ENPP3: variants seen among roughly 807,000 people sequenced by gnomAD.
ENPP3 encodes ectonucleotide pyrophosphatase/phosphodiesterase family member 3.
In ENPP3, 104 loss-of-function variants were observed where a neutral mutation model predicts 117.8. The observed-to-expected ratio is 0.88, with a 90% CI of 0.75 to 1.04. ENPP3 has a LOEUF of 1.04. Ranked by LOEUF, ENPP3 falls within the 50% of genes least tolerant of loss-of-function variation. The pLI is 0.00. For missense variants in ENPP3, 1,026 were observed against 1,051.9 expected (o/e 0.98, Z 0.34); for synonymous variants, 380 against 349.9 (o/e 1.09, Z -0.96).
intron 15 of ENPP3, chr6:131,701,018 G>A: frequency 1.8e-6 from 1 of 547,404 alleles, no homozygotes; most frequent in Non-Finnish European, 3.0e-6. Flanking sequence ...AATATCGGAG[G>A]GGGTGGCAGA....
chr6:131,658,383 C>T lies in ENPP3; in HGVS notation c.525C>T (p.Tyr175=). The T allele has an allele frequency of 1.9e-6, 3 of 1,602,168 alleles. No individual in the cohort carries two copies. Among genetic ancestry groups the T allele is most frequent in the Non-Finnish European group, 2.6e-6 (3 of 1,169,354 alleles). ...SMDGFRAEYL[Y]TWDTLMPNIN... is the part of the protein sequence containing the mutation. ...ATGGATTTAGAGCTGAATATTTATACACATGGGATACTTTAATGCCAAATA... is the reference window on the plus strand; with the variant it reads ...ATGGATTTAGAGCTGAATATTTATATACATGGGATACTTTAATGCCAAATA... Residue 175 remains tyrosine (Y), a synonymous_variant, in exon 6 of 25, where the codon TAC becomes TAT. Coordinates refer to ENST00000357639, the MANE Select transcript of ENPP3 (RefSeq NM_005021.5).
At position 131,722,421 on chromosome 6, in the gene ENPP3, A is replaced by G; in HGVS notation, c.1746+16A>G. On this transcript the variant is annotated intron_variant, in intron 18 of 24. Transcript: ENST00000357639. ...CCTACAAAATGTAAGTAACAACTTCATGCATCCATAAGAACGTAAAGGGGC... is the reference window on the plus strand; with the variant it reads ...CCTACAAAATGTAAGTAACAACTTCGTGCATCCATAAGAACGTAAAGGGGC... 1 of 1,609,158 alleles carries G rather than the reference A, an allele frequency of 6.2e-7. No homozygotes were observed. Among genetic ancestry groups the G allele is most frequent in the Non-Finnish European group, 8.5e-7 (1 of 1,176,808 alleles).
In ENPP3 at chr6:131,740,356, A is replaced by G; in HGVS notation, c.2433A>G (p.Arg811=). Residue 811 remains arginine, a synonymous_variant, in exon 24 of 25, where the codon CGA becomes CGG. Coordinates refer to ENST00000357639, the MANE Select transcript of ENPP3 (RefSeq NM_005021.5). ...TCCTACCCTTTATCATCCCTCACCGACCTACCAACGTGGAGAGCTGTCCTG... is the reference window on the plus strand; with the variant it reads ...TCCTACCCTTTATCATCCCTCACCGGCCTACCAACGTGGAGAGCTGTCCTG... ...LDVLPFIIPH[R]PTNVESCPEG... is the part of the protein sequence containing the mutation. 6.2e-7 allele frequency: 1 copy of G among 1,610,638 alleles called. No individual in the cohort carries two copies. The highest frequency in any genetic ancestry group is 8.5e-7 in the Non-Finnish European group (1 of 1,178,388).
chr6:131,745,622 A>C (rs540289954), intron 24 of ENPP3, among the ~76,000 whole-genome samples: 160 of 150,470 alleles, frequency 1.1e-3, no homozygotes, highest in African/African-American at 3.8e-3. Flanking sequence ...AATCCAAAAT[A>C]AAAAGGTCAA....
At chr6:131,674,140 T>C in intron 7 of ENPP3, 22 bp from the exon 8 acceptor site, 1 of 1,427,128 alleles carries the variant, frequency 7.0e-7, no homozygotes, top group Non-Finnish European at 9.8e-7. Flanking sequence ...ATCTTACATC[T>C]TTTTTGAAAT....
At chr6:131,673,823 A>G (rs1303598133) in intron 7 of ENPP3, among the ~76,000 whole-genome samples, 1 of 152,172 alleles carries the variant, frequency 6.6e-6, no homozygotes, top group Non-Finnish European at 1.5e-5. Flanking sequence ...ACAATGATTG[A>G]CATAGCATGT....
intron 6 of ENPP3, among the ~76,000 whole-genome samples, chr6:131,668,950 GTCTA>G (rs1669973969): frequency 6.6e-6 from 1 of 152,310 alleles, no homozygotes; most frequent in South Asian, 2.1e-4. Context: ...GGTAGCTTGG[GTCTA>G]TAGTCAGCAG....
chr6:131,742,293 A>G (rs369044346), intron 24 of ENPP3, among the ~76,000 whole-genome samples: 1 of 152,176 alleles, frequency 6.6e-6, no homozygotes, highest in Non-Finnish European at 1.5e-5. Flanking sequence ...AATGACAGAC[A>G]TCAATGACTG....
intron 15 of ENPP3, among the ~76,000 whole-genome samples, chr6:131,696,869 A>G (rs1040088071): frequency 6.8e-6 from 1 of 147,158 alleles, no homozygotes; most frequent in Non-Finnish European, 1.5e-5. Flanking sequence ...TCCCAGGTTC[A>G]TGCCATTCTC....
intron 23 of ENPP3, among the ~76,000 whole-genome samples, chr6:131,739,451 GT>G (rs1780476377): frequency 2.0e-5 from 3 of 152,304 alleles, no homozygotes; most frequent in South Asian, 4.1e-4. Flanking sequence ...GTGAATGAAA[GT>G]CCAAACATTT....
chr6:131,659,876 CAGG>C (rs1778461941), intron 6 of ENPP3, among the ~76,000 whole-genome samples: 1 of 152,168 alleles, frequency 6.6e-6, no homozygotes, highest in African/African-American at 2.4e-5. Context: ...TTTGACTAGC[CAGG>C]GTGAACTGAA....
intron 14 of ENPP3, among the ~76,000 whole-genome samples, chr6:131,687,228 A>G (rs1307711568): frequency 1.3e-5 from 2 of 152,180 alleles, no homozygotes; most frequent in South Asian, 2.1e-4. Context: ...GTGAGATGGT[A>G]TCTCATTGTG....
rs994895165 is a variant in ENPP3, at chr6:131,718,560, TA to T, written c.1413-105del. On this transcript the variant is annotated intron_variant, in intron 15 of 24. Coordinates refer to ENST00000357639, the MANE Select transcript of ENPP3 (RefSeq NM_005021.5). ...GAAAAATATATTATTCTGTTGTTGATAAAAAAATTTACTTATAAAATTTACA... is the reference window on the plus strand; with the variant it reads ...GAAAAATATATTATTCTGTTGTTGATAAAAAATTTACTTATAAAATTTACA... The T allele has an allele frequency of 1.0e-4, 49 of 469,046 alleles. 1 individual carries two copies. Among genetic ancestry groups the T allele is most frequent in the Admixed American group, 3.6e-4 (10 of 27,468 alleles). The allele number at this position is 469,046 out of a possible 1,614,324, so 29.1% of individuals were successfully genotyped here. A position where few individuals can be genotyped will look rare whatever the true frequency, so the allele number is the denominator to read the frequency against.
At chr6:131,648,598 A>T (rs1585614676) in intron 2 of ENPP3, among the ~76,000 whole-genome samples, 1 of 152,314 alleles carries the variant, frequency 6.6e-6, no homozygotes, top group South Asian at 2.1e-4. Flanking sequence ...GCTAAAATAA[A>T]TATTCATAGA....
chr6:131,727,555 C>CAAAAAAAAAAAAAAAAAAAA (rs773470669), intron 20 of ENPP3, among the ~76,000 whole-genome samples: 1 of 52,264 alleles, frequency 1.9e-5, no homozygotes. Flanking sequence ...AAGTCCATCT[C>CAAAAAAAAAAAAAAAAAAAA]AAAAAAAAAA....
chr6:131,647,568 TATGTATTC>T (rs556051090), intron 2 of ENPP3, among the ~76,000 whole-genome samples: 29 of 152,312 alleles, frequency 1.9e-4, no homozygotes, highest in Admixed American at 9.8e-4. Flanking sequence ...AATAAATGTC[TATGTATTC>T]ATCATCCCAC....
intron 20 of ENPP3, among the ~76,000 whole-genome samples, chr6:131,731,479 T>A (rs1256391230): frequency 6.6e-6 from 1 of 152,238 alleles, no homozygotes; most frequent in Non-Finnish European, 1.5e-5. Flanking sequence ...GGGAATCTTA[T>A]CATTCAGCAA....
chr6:131,661,644 A>G (rs1778502775), intron 6 of ENPP3, among the ~76,000 whole-genome samples: 1 of 152,064 alleles, frequency 6.6e-6, no homozygotes, highest in Non-Finnish European at 1.5e-5. Flanking sequence ...AGCATCTTTC[A>G]TACACCTATT....
At chr6:131,731,698 G>A (rs1780285008) in intron 20 of ENPP3, among the ~76,000 whole-genome samples, 1 of 152,076 alleles carries the variant, frequency 6.6e-6, no homozygotes, top group South Asian at 2.1e-4. Context: ...ACCCTTCTGG[G>A]GTTCTACAGT....
Sources: allele counts gnomAD v4.1 joint callset (sites outside exome capture counted in the v4.1 genomes callset), GRCh38; gene constraint gnomAD v4.1.1; transcripts MANE v1.5; gene names NCBI Gene and HGNC (gene_info 2026-07-23, HGNC 2026-07-21).